GABRB3: variants seen among roughly 807,000 people sequenced by gnomAD.
GABRB3 encodes gamma-aminobutyric acid type A receptor subunit beta3.
Under a neutral mutation model 52.1 loss-of-function variants are expected in GABRB3, and 14 were observed. That is an observed-to-expected ratio of 0.27 (90% confidence interval 0.18 to 0.42). GABRB3 has a LOEUF of 0.42. Among genes scored for constraint, GABRB3 ranks in the 10% least tolerant of loss-of-function variants. The probability of loss-of-function intolerance (pLI) is 1.00; values close to 1 mark genes in which losing one functional copy is unlikely to be tolerated. For synonymous variants in GABRB3, 260 were observed against 232.3 expected (o/e 1.12, Z -1.08); for missense variants, 307 against 609.1 (o/e 0.50, Z 5.22).
intron 3 of GABRB3, among the ~76,000 whole-genome samples, chr15:26,716,161 T>C (rs962479075): frequency 4.6e-5 from 7 of 152,156 alleles, no homozygotes; most frequent in African/African-American, 1.4e-4. Context: ...GTATTGATTT[T>C]TTTCTCCTCA....
At chr15:26,652,061 C>T (rs1201471247) in intron 3 of GABRB3, among the ~76,000 whole-genome samples, 1 of 152,172 alleles carries the variant, frequency 6.6e-6, no homozygotes, top group Non-Finnish European at 1.5e-5. Context: ...AGGGCTGCCA[C>T]CTATGAGCCT....
intron 3 of GABRB3, among the ~76,000 whole-genome samples, chr15:26,653,496 C>T (rs1477141689): frequency 1.3e-5 from 2 of 152,130 alleles, no homozygotes; most frequent in African/African-American, 4.8e-5. Context: ...ATCAGCACTC[C>T]CCACTCTCTG....
chr15:26,748,622 T>C (rs1890414511), intron 3 of GABRB3, among the ~76,000 whole-genome samples: 1 of 152,230 alleles, frequency 6.6e-6, no homozygotes, highest in South Asian at 2.1e-4. Context: ...TTTATCAAAT[T>C]AATTGATTTT....
intron 3 of GABRB3, among the ~76,000 whole-genome samples, chr15:26,767,795 A>G (rs1891038341): frequency 6.6e-6 from 1 of 152,264 alleles, no homozygotes; most frequent in African/African-American, 2.4e-5. Context: ...TAAAAGCTGC[A>G]TTTTCCAAAC....
At chr15:26,695,056 G>A (rs1284396547) in intron 3 of GABRB3, among the ~76,000 whole-genome samples, 5 of 151,866 alleles carry the variant, frequency 3.3e-5, no homozygotes, top group Admixed American at 1.3e-4. Context: ...AGAACCATGG[G>A]GCAATTATAA....
At chr15:26,567,488 A>G in intron 7 of GABRB3, 93 bp downstream of exon 7, 1 of 1,283,586 alleles carries the variant, frequency 7.8e-7, no homozygotes, top group Non-Finnish European at 1.1e-6. Context: ...ACGCTGTCAA[A>G]AAATGGTAGT....
In GABRB3 at chr15:26,547,738, G is replaced by C; in HGVS notation, c.*55C>G. The C allele has an allele frequency of 7.0e-7, 1 of 1,427,342 alleles. No homozygotes were observed. Among genetic ancestry groups the C allele is most frequent in the Admixed American group, 1.7e-5 (1 of 59,688 alleles). 88.4% of individuals were successfully genotyped at this position (1,427,342 alleles called of 1,614,324 possible). On this transcript the variant is annotated 3_prime_UTR_variant, in exon 9 of 9. Coordinates refer to ENST00000311550, the MANE Select transcript of GABRB3 (RefSeq NM_000814.6). ...TACAGGTATAAAAACTTGACAGGCA[G>C]AGTAATATTTCACTCAGTGTTAAAT...
In GABRB3 at chr15:26,742,947, T is replaced by TTTTTTTTTTG. The variant is rs771203717; in HGVS notation, c.240+29454_240+29455insCAAAAAAAAA. On this transcript the variant is annotated intron_variant, in intron 3 of 8. Transcript: ENST00000311550. ...TTCTTTTTTTTTTTTTTTTTTTTTTTGAGACAGAGTCTCGCTATGGCGCCC... is the reference window on the plus strand; with the variant it reads ...TTCTTTTTTTTTTTTTTTTTTTTTTTTTTTTTTTTGGAGACAGAGTCTCGCTATGGCGCCC... 3.8e-5 allele frequency among the ~76,000 whole-genome samples: 4 copies of TTTTTTTTTTG among 104,198 alleles called. 1 individual carries two copies. The highest frequency in any genetic ancestry group is 7.4e-4 in the South Asian group (2 of 2,716). The allele number at this position is 104,198 out of a possible 152,430, so 68.4% of individuals were successfully genotyped here.
At chr15:26,757,412 A>G (rs1890693956) in intron 3 of GABRB3, among the ~76,000 whole-genome samples, 1 of 152,128 alleles carries the variant, frequency 6.6e-6, no homozygotes, top group Admixed American at 6.5e-5. Context: ...CATTCTCTTC[A>G]TGAGTTTCTT....
At position 26,648,588 on chromosome 15, in the gene GABRB3, G is replaced by A. The variant is rs138849102; in HGVS notation, c.241-27054C>T. Among the ~76,000 whole-genome samples, 65 of 152,298 alleles carry A rather than the reference G, an allele frequency of 4.3e-4. No individual in the cohort carries two copies. The East Asian group carries it at 0.011, about 25-fold the overall frequency. Reference sequence around the variant, plus strand: ...TACTGAGGAGGAACAGTGAGGGAGCGGCAGGAGAACCAGGCAGTGGGAATC... The same window carrying A: ...TACTGAGGAGGAACAGTGAGGGAGCAGCAGGAGAACCAGGCAGTGGGAATC... On this transcript the variant is annotated intron_variant, in intron 3 of 8. Transcript: ENST00000311550.
intron 4 of GABRB3, among the ~76,000 whole-genome samples, chr15:26,587,052 C>A (rs1595461808): frequency 6.6e-6 from 1 of 151,926 alleles, no homozygotes; most frequent in Non-Finnish European, 1.5e-5. Context: ...GTTCTTGCCA[C>A]AAAAAAATGT....
intron 4 of GABRB3, chr15:26,614,964 T>C (rs1478700072): frequency 6.7e-6 from 1 of 149,016 alleles, no homozygotes; most frequent in African/African-American, 2.5e-5. Context: ...TGGAGCAAAG[T>C]GAATACTATT....
At chr15:26,591,741 G>GCACTT (rs1891214144) in intron 4 of GABRB3, among the ~76,000 whole-genome samples, 1 of 152,136 alleles carries the variant, frequency 6.6e-6, no homozygotes, top group Admixed American at 6.5e-5. Context: ...TCTAATTATG[G>GCACTT]CACTTGGGGG....
chr15:26,594,245 A>G (rs1712530691), intron 4 of GABRB3, among the ~76,000 whole-genome samples: 2 of 151,636 alleles, frequency 1.3e-5, no homozygotes, highest in Non-Finnish European at 2.9e-5. Flanking sequence ...TGACTAAGCC[A>G]TGTTTTCCTC....
intron 6 of GABRB3, among the ~76,000 whole-genome samples, chr15:26,575,456 T>A (rs2140718394): frequency 6.6e-6 from 1 of 152,314 alleles, no homozygotes; most frequent in South Asian, 2.1e-4. Flanking sequence ...AAGGTCAAAT[T>A]AAATTACAAA....
intron 3 of GABRB3, among the ~76,000 whole-genome samples, chr15:26,647,533 C>CA (rs1476196503): frequency 6.6e-6 from 1 of 152,092 alleles, no homozygotes; most frequent in African/African-American, 2.4e-5. Flanking sequence ...TTTCTTTGTG[C>CA]AGATCATTGG....
chr15:26,691,658 G>T (rs1049410345), intron 3 of GABRB3, among the ~76,000 whole-genome samples: 1 of 152,146 alleles, frequency 6.6e-6, no homozygotes, highest in Non-Finnish European at 1.5e-5. Flanking sequence ...CAAGAAATAA[G>T]GTTACTTATC....
At chr15:26,658,826 C>T (rs1244466719) in intron 3 of GABRB3, 1 of 152,234 alleles carries the variant, frequency 6.6e-6, no homozygotes, top group African/African-American at 2.4e-5. Flanking sequence ...TGCAAACATT[C>T]TGGAACTGCT....
Position 26,670,270 on chromosome 15 carries a change from G to A in GABRB3, c.241-48736C>T, listed in dbSNP as rs113420832. Among the ~76,000 whole-genome samples, 265 of 152,316 alleles carry A rather than the reference G, an allele frequency of 1.7e-3. 1 individual carries two copies. Among genetic ancestry groups the A allele is most frequent in the African/African-American group, 5.9e-3 (246 of 41,578 alleles). ...GCTCCAGGTGGGCATGGAGGGGCGGGAGAGGTAAGGGTAGGCGGGAAGAGG... is the reference window on the plus strand; with the variant it reads ...GCTCCAGGTGGGCATGGAGGGGCGGAAGAGGTAAGGGTAGGCGGGAAGAGG... On this transcript the variant is annotated intron_variant, in intron 3 of 8. Coordinates refer to ENST00000311550, the MANE Select transcript of GABRB3 (RefSeq NM_000814.6).
Sources: gnomAD v4.1 joint callset for allele counts (sites outside exome capture counted in the v4.1 genomes callset) on GRCh38, gnomAD v4.1.1 for gene constraint, MANE v1.5 for transcripts, NCBI Gene and HGNC (gene_info 2026-07-23, HGNC 2026-07-21) for gene names.